The following SYTL4 variants were observed in gnomAD, a reference collection of about 807,000 sequenced individuals.
SYTL4 encodes synaptotagmin like 4.
In SYTL4, 16 loss-of-function variants were observed where a neutral mutation model predicts 52.7. That is an observed-to-expected ratio of 0.30 (90% CI 0.21 to 0.46). The LOEUF is 0.46. Among genes scored for constraint, SYTL4 ranks in the 20% least tolerant of loss-of-function variants. The pLI is 1.00. For missense variants in SYTL4, 423 were observed against 519.9 expected, an observed-to-expected ratio of 0.81 and a Z score of 1.81; for synonymous variants, 160 against 186.6, an observed-to-expected ratio of 0.86 and a Z score of 1.16.
intron 2 of SYTL4, among the ~76,000 whole-genome samples, chrX:100,729,533 C>T (rs1016638965): frequency 2.7e-5 from 3 of 111,227 alleles, no homozygotes; most frequent in Non-Finnish European, 5.7e-5. Flanking sequence ...TCTTCTGTAC[C>T]TCAACCCCAC....
At chrX:100,686,856 T>G in intron 14 of SYTL4, 75 bp from the exon 15 acceptor site, 1 of 914,765 alleles carries the variant, frequency 1.1e-6, no homozygotes, top group East Asian at 3.2e-5. Context: ...CCTCTCCATA[T>G]AGATATGCCA....
chrX:100,678,554 A>G lies in SYTL4; in HGVS notation c.1704T>C (p.Pro568=). 8.3e-7 allele frequency: 1 copy of G among 1,211,646 alleles called. No individual in the cohort carries two copies. Among genetic ancestry groups the G allele is most frequent in the Non-Finnish European group, 1.1e-6 (1 of 895,434 alleles). The change falls in exon 19 of 20, where the codon CCT becomes CCC. Residue 568 remains proline, a synonymous_variant. Coordinates refer to ENST00000372989, the MANE Select transcript of SYTL4 (RefSeq NM_001370165.1). ...GAGGATTCAGGGTCTTCTTCATCAC[A>G]GGAGTTTTACGTTTACTGGCCTTGT... ...MRNKASKRKT[P]VMKKTLNPHY...
chrX:100,714,360 C>A (rs1418539051), intron 2 of SYTL4, among the ~76,000 whole-genome samples: 1 of 108,531 alleles, frequency 9.2e-6, no homozygotes, highest in Non-Finnish European at 1.9e-5. Context: ...CCTGGGTTCA[C>A]GCCATTCTCC....
intron 2 of SYTL4, among the ~76,000 whole-genome samples, chrX:100,706,813 C>T (rs1186206032): frequency 3.6e-5 from 4 of 110,733 alleles, no homozygotes; most frequent in African/African-American, 6.6e-5. Flanking sequence ...AAAAGATATA[C>T]CAGGTAAATG....
At chrX:100,690,205 T>C (rs763187858) in intron 10 of SYTL4, 40 bp from the exon 11 acceptor site, 2 of 1,011,242 alleles carry the variant, frequency 2.0e-6, no homozygotes, top group Non-Finnish European at 2.8e-6. Flanking sequence ...AAAGAACAGA[T>C]GGATAGGTAG....
In SYTL4 at chrX:100,685,979, AAGC is replaced by A; in HGVS notation, c.1449+8_1449+10del. 1 of 1,190,482 alleles carries A rather than the reference AAGC, an allele frequency of 8.4e-7. No homozygotes were observed. Among genetic ancestry groups the A allele is most frequent in the African/African-American group, 1.7e-5 (1 of 57,399 alleles). ...CAGATCCAAACTGCAGGAGTTGTTA[AAGC>A]AGACTACCTTTCCATGTAAAGGGAG... On this transcript the variant is annotated splice_region_variant and intron_variant, in intron 16 of 19. Transcript: ENST00000372989.
At chrX:100,701,770 CT>C (rs2083858158) in intron 5 of SYTL4, 97 bp from the exon 6 acceptor site, 1 of 927,185 alleles carries the variant, frequency 1.1e-6, no homozygotes, top group Admixed American at 2.5e-5. Context: ...CTATTTGGTT[CT>C]GTGGAAGCAA....
intron 2 of SYTL4, among the ~76,000 whole-genome samples, chrX:100,724,734 G>A (rs750728850): frequency 9.3e-6 from 1 of 107,257 alleles, no homozygotes; most frequent in South Asian, 4.4e-4. Context: ...CAAACACTGC[G>A]GAAGGCCGCA....
chrX:100,687,399 G>C lies in SYTL4; in HGVS notation c.1006-154C>G. 8.6e-6 allele frequency: 4 copies of C among 467,336 alleles called. No individual in the cohort carries two copies. The South Asian group carries it at 1.5e-4, about 17-fold the overall frequency. The allele number at this position is 467,336 out of a possible 1,213,427, so 38.5% of individuals were successfully genotyped here. ...CTGCTGACATTCCTTGACCCAGAGG[G>C]TAAGAGAGAACTACCAGCACTCAAA... On this transcript the variant is annotated intron_variant, in intron 13 of 19. Coordinates refer to ENST00000372989, the MANE Select transcript of SYTL4 (RefSeq NM_001370165.1).
chrX:100,681,019 T>C (rs1251663591), intron 17 of SYTL4, among the ~76,000 whole-genome samples: 1 of 111,060 alleles, frequency 9.0e-6, no homozygotes, highest in Non-Finnish European at 1.9e-5. Flanking sequence ...TTTAATAGCC[T>C]AAAAAAAGAA....
chrX:100,711,325 A>G (rs1415469149), intron 2 of SYTL4, among the ~76,000 whole-genome samples: 1 of 112,223 alleles, frequency 8.9e-6, no homozygotes, highest in Non-Finnish European at 1.9e-5. Context: ...AAGCAAGAAA[A>G]TATGATCCAT....
chrX:100,698,269 A>AT (rs1043481539), intron 8 of SYTL4, among the ~76,000 whole-genome samples: 1 of 109,563 alleles, frequency 9.1e-6, no homozygotes, highest in Non-Finnish European at 1.9e-5. Flanking sequence ...CGCCCGGCTA[A>AT]TTTTTTTGTA....
intron 17 of SYTL4, among the ~76,000 whole-genome samples, chrX:100,680,113 T>C (rs1418833971): frequency 8.9e-6 from 1 of 111,916 alleles, no homozygotes. Flanking sequence ...CTGCTTTCAC[T>C]GATCCACTGA....
chrX:100,722,662 CTAAA>C (rs57321237), intron 2 of SYTL4, among the ~76,000 whole-genome samples: 3 of 109,777 alleles, frequency 2.7e-5, no homozygotes, highest in African/African-American at 1.0e-4. Context: ...CAAGTCCTTC[CTAAA>C]TAAATAAATA....
chrX:100,723,355 C>G (rs774923839), intron 2 of SYTL4, among the ~76,000 whole-genome samples: 30 of 112,461 alleles, frequency 2.7e-4, no homozygotes, highest in Non-Finnish European at 5.3e-4. Flanking sequence ...CTCCTAACCA[C>G]GAGTGATCCG....
chrX:100,701,441 C>A lies in SYTL4; in HGVS notation c.326+17G>T. 8.3e-7 allele frequency: 1 copy of A among 1,205,882 alleles called. No individual in the cohort carries two copies. The highest frequency in any genetic ancestry group is 1.1e-6 in the Non-Finnish European group (1 of 889,949). On this transcript the variant is annotated intron_variant, in intron 6 of 19. Transcript: ENST00000372989. Reference sequence around the variant, plus strand: ...AAGGCCTCGCCCCCTCTCTACTCAGCCATAGGTGACACTCACATTTCCTTG... The same window carrying A: ...AAGGCCTCGCCCCCTCTCTACTCAGACATAGGTGACACTCACATTTCCTTG...
At chrX:100,682,274 G>T (rs1435639786) in intron 16 of SYTL4, among the ~76,000 whole-genome samples, 1 of 111,699 alleles carries the variant, frequency 9.0e-6, no homozygotes, top group Non-Finnish European at 1.9e-5. Context: ...GGAAATGAAA[G>T]ACAACTTTCC....
At chrX:100,719,329 T>A (rs2084291671) in intron 2 of SYTL4, among the ~76,000 whole-genome samples, 1 of 111,571 alleles carries the variant, frequency 9.0e-6, no homozygotes. Context: ...ACAGTCTGGT[T>A]TTTGGACCCA....
chrX:100,728,894 G>A lies in SYTL4; in HGVS notation c.-240+2524C>T, dbSNP rs751149118. 2.0e-4 allele frequency among the ~76,000 whole-genome samples: 22 copies of A among 110,242 alleles called. No homozygotes were observed. In the East Asian group the frequency reaches 4.0e-3, roughly 20 times the overall value. On this transcript the variant is annotated intron_variant, in intron 2 of 19. Transcript: ENST00000372989. Reference sequence around the variant, plus strand: ...CTACTAAAAACACAAAAAGCTAGCCGGGCATGGTGGCGGGCGCCTGTAGTT... The same window carrying A: ...CTACTAAAAACACAAAAAGCTAGCCAGGCATGGTGGCGGGCGCCTGTAGTT...
Sources: gnomAD v4.1 joint callset for allele counts (sites outside exome capture counted in the v4.1 genomes callset) on GRCh38, gnomAD v4.1.1 for gene constraint, MANE v1.5 for transcripts, NCBI Gene and HGNC (gene_info 2026-07-23, HGNC 2026-07-21) for gene names.